THSD7B: variants seen among roughly 807,000 people sequenced by gnomAD.
The protein encoded by THSD7B is thrombospondin type-1 domain-containing protein 7B.
A neutral mutation model predicts 213.6 loss-of-function variants in THSD7B; 138 were observed. The observed-to-expected ratio is 0.65, with a 90% CI of 0.56 to 0.74. The LOEUF (loss-of-function observed/expected upper bound fraction) is 0.74, where lower values mean the gene tolerates loss of function less well. Ranked by LOEUF, THSD7B falls within the 30% of genes least tolerant of loss-of-function variation. The pLI is 0.00. For missense variants in THSD7B, 1,931 were observed against 1,991.5 expected (o/e 0.97, Z 0.58); for synonymous variants, 742 against 687.0 (o/e 1.08, Z -1.25).
At chr2:137,073,567 T>C (rs1419782823) in intron 3 of THSD7B, among the ~76,000 whole-genome samples, 4 of 152,230 alleles carry the variant, frequency 2.6e-5, no homozygotes, top group African/African-American at 9.6e-5. Context: ...GGAAGGGTTT[T>C]TTGTGTCTCT....
intron 15 of THSD7B, among the ~76,000 whole-genome samples, chr2:137,508,116 G>A (rs1679877600): frequency 6.6e-6 from 1 of 152,160 alleles, no homozygotes; most frequent in South Asian, 2.1e-4. Context: ...ATTTGTTAAA[G>A]TACCTTAAAG....
chr2:137,672,429 C>T (rs951015084), intron 27 of THSD7B, among the ~76,000 whole-genome samples: 1 of 152,066 alleles, frequency 6.6e-6, no homozygotes, highest in Non-Finnish European at 1.5e-5. Flanking sequence ...GAGTGATGCC[C>T]AAAACTCTTT....
chr2:136,795,954 T>A (rs1476139002), intron 1 of THSD7B, among the ~76,000 whole-genome samples: 3 of 151,950 alleles, frequency 2.0e-5, no homozygotes, highest in Admixed American at 2.0e-4. Flanking sequence ...GAGTCTGCTT[T>A]TATTTTTTCC....
intron 3 of THSD7B, among the ~76,000 whole-genome samples, chr2:137,063,207 T>C (rs1259399332): frequency 6.7e-6 from 1 of 149,786 alleles, no homozygotes; most frequent in African/African-American, 2.5e-5. Context: ...AGATAACATA[T>C]AATTGGATGC....
At chr2:137,324,422 T>G (rs534155053) in intron 12 of THSD7B, among the ~76,000 whole-genome samples, 100 of 152,078 alleles carry the variant, frequency 6.6e-4, no homozygotes, top group African/African-American at 2.0e-3. Flanking sequence ...CAATAATTAA[T>G]GACATTCATG....
chr2:136,772,617 G>A lies in THSD7B; in HGVS notation c.-36+6930G>A, dbSNP rs114594710. Among the ~76,000 whole-genome samples the A allele has an allele frequency of 6.2e-3, 946 of 152,222 alleles. 7 individuals carry two copies. Among genetic ancestry groups the A allele is most frequent in the African/African-American group, 0.021 (867 of 41,542 alleles). On this transcript the variant is annotated intron_variant, in intron 1 of 27. Coordinates refer to ENST00000409968, the MANE Select transcript of THSD7B (RefSeq NM_001316349.2). ...AATTAGCATAATGAATACAAAAAAGGGAAAATGAGTTGTTCGATGTGAGTG... is the reference window on the plus strand; with the variant it reads ...AATTAGCATAATGAATACAAAAAAGAGAAAATGAGTTGTTCGATGTGAGTG...
intron 3 of THSD7B, among the ~76,000 whole-genome samples, chr2:137,076,142 G>A (rs1687617648): frequency 6.6e-6 from 1 of 152,206 alleles, no homozygotes; most frequent in African/African-American, 2.4e-5. Context: ...AGTCTGCAGA[G>A]GTTACTGCTG....
chr2:137,546,424 T>TA lies in THSD7B; in HGVS notation c.3139-16797_3139-16796insA, dbSNP rs1491401056. 1.1e-4 allele frequency among the ~76,000 whole-genome samples: 3 copies of TA among 27,946 alleles called. 1 individual carries two copies. The highest frequency in any genetic ancestry group is 6.7e-4 in the African/African-American group (3 of 4,492). The allele number at this position is 27,946 out of a possible 152,430, so 18.3% of individuals were successfully genotyped here. ...ATATATTATATATATATTATATATA[T>TA]TATATATATATTATATATATTATAT... On this transcript the variant is annotated intron_variant, in intron 15 of 27. Coordinates refer to ENST00000409968, the MANE Select transcript of THSD7B (RefSeq NM_001316349.2).
chr2:137,463,181 A>C (rs753133054), intron 15 of THSD7B, among the ~76,000 whole-genome samples: 5 of 152,150 alleles, frequency 3.3e-5, no homozygotes, highest in Non-Finnish European at 5.9e-5. Flanking sequence ...ACAGCTCACA[A>C]ATCTAGAGAC....
chr2:137,551,580 A>G (rs1358623624), intron 15 of THSD7B, among the ~76,000 whole-genome samples: 1 of 152,176 alleles, frequency 6.6e-6, no homozygotes, highest in Non-Finnish European at 1.5e-5. Flanking sequence ...GCAGCTACCA[A>G]AGTTATTCTA....
At chr2:137,666,599 A>G (rs1421098776) in intron 26 of THSD7B, among the ~76,000 whole-genome samples, 1 of 146,332 alleles carries the variant, frequency 6.8e-6, no homozygotes, top group Non-Finnish European at 1.5e-5. Flanking sequence ...CCTGTAGTTA[A>G]TTACATTCGT....
intron 3 of THSD7B, among the ~76,000 whole-genome samples, chr2:137,075,765 G>A (rs527816753): frequency 6.6e-6 from 1 of 152,168 alleles, no homozygotes; most frequent in African/African-American, 2.4e-5. Context: ...TGGGTTTTTG[G>A]TGTGGATGTC....
chr2:137,167,829 T>G (rs1680167399), intron 6 of THSD7B, among the ~76,000 whole-genome samples: 1 of 152,166 alleles, frequency 6.6e-6, no homozygotes, highest in South Asian at 2.1e-4. Context: ...CACTGTCCAA[T>G]CTACTCACCT....
rs1338987417 is a variant in THSD7B at position 137,677,386 on chromosome 2, TC to T, written c.*783del. 1 of 152,456 alleles carries T rather than the reference TC, an allele frequency of 6.6e-6. No individual in the cohort carries two copies. The highest frequency in any genetic ancestry group is 1.9e-4 in the East Asian group (1 of 5,192). 9.4% of individuals were successfully genotyped at this position (152,456 alleles called of 1,614,324 possible). A position where few individuals can be genotyped will look rare whatever the true frequency, so the allele number is the denominator to read the frequency against. ...AAAACTGTATTTTAACAAAAACTTATCCATGTAGATATAGCATTAACCACAC... is the reference window on the plus strand; with the variant it reads ...AAAACTGTATTTTAACAAAAACTTATCATGTAGATATAGCATTAACCACAC... On this transcript the variant is annotated 3_prime_UTR_variant, in exon 28 of 28. Coordinates refer to ENST00000409968, the MANE Select transcript of THSD7B (RefSeq NM_001316349.2).
At chr2:137,080,186 G>A (rs182748754) in intron 3 of THSD7B, among the ~76,000 whole-genome samples, 88 of 150,196 alleles carry the variant, frequency 5.9e-4, no homozygotes, top group Middle Eastern at 3.5e-3. Flanking sequence ...GTGTGTGTGT[G>A]TATATATATA....
chr2:137,306,267 T>C (rs946335451), intron 12 of THSD7B, among the ~76,000 whole-genome samples: 1 of 152,142 alleles, frequency 6.6e-6, no homozygotes, highest in Non-Finnish European at 1.5e-5. Flanking sequence ...GGGACCACCA[T>C]TGTCTTTGTG....
chr2:137,670,196 T>G (rs1472492781), intron 27 of THSD7B, among the ~76,000 whole-genome samples: 1 of 152,148 alleles, frequency 6.6e-6, no homozygotes, highest in Non-Finnish European at 1.5e-5. Context: ...AGCGCTCATA[T>G]TTGGACCGGC....
At chr2:137,522,173 C>G (rs940575125) in intron 15 of THSD7B, among the ~76,000 whole-genome samples, 5 of 152,162 alleles carry the variant, frequency 3.3e-5, no homozygotes, top group Non-Finnish European at 7.3e-5. Flanking sequence ...CATGAGTGCT[C>G]TATAGTGAAC....
At chr2:137,181,889 TA>T (rs1372046471) in intron 7 of THSD7B, among the ~76,000 whole-genome samples, 2 of 152,140 alleles carry the variant, frequency 1.3e-5, no homozygotes, top group African/African-American at 4.8e-5. Context: ...TTATCAAGAT[TA>T]TGTTTAATTA....
Sources: gnomAD v4.1 joint callset for allele counts (sites outside exome capture counted in the v4.1 genomes callset) on GRCh38, gnomAD v4.1.1 for gene constraint, MANE v1.5 for transcripts, NCBI Gene and HGNC (gene_info 2026-07-23, HGNC 2026-07-21) for gene names.